GABRB1: variants seen among roughly 807,000 people sequenced by gnomAD.
GABRB1 encodes the protein gamma-aminobutyric acid type A receptor subunit beta1, also known as gamma-aminobutyric acid receptor subunit beta-1.
In GABRB1, 17 loss-of-function variants were observed where a neutral mutation model predicts 51.6. The observed-to-expected ratio is 0.33, with a 90% confidence interval of 0.23 to 0.49. The LOEUF (loss-of-function observed/expected upper bound fraction) is 0.49. Among genes scored for constraint, GABRB1 ranks in the 20% least tolerant of loss-of-function variants. GABRB1 has a pLI of 0.99. For synonymous variants in GABRB1, 247 were observed against 218.9 expected (o/e 1.13, Z -1.14); for missense variants, 410 against 600.6 (o/e 0.68, Z 3.32).
chr4:47,386,970 G>T (rs1727817076), intron 5 of GABRB1, among the ~76,000 whole-genome samples: 1 of 152,150 alleles, frequency 6.6e-6, no homozygotes, highest in African/African-American at 2.4e-5. Flanking sequence ...ATATTAAATG[G>T]ATAAATGATG....
chr4:47,174,089 A>C (rs567287631), intron 4 of GABRB1, among the ~76,000 whole-genome samples: 1 of 152,086 alleles, frequency 6.6e-6, no homozygotes, highest in East Asian at 1.9e-4. Flanking sequence ...AGAGTGAAAC[A>C]GTATTTCACT....
At chr4:47,088,517 G>A (rs530448792) in intron 3 of GABRB1, among the ~76,000 whole-genome samples, 29 of 152,284 alleles carry the variant, frequency 1.9e-4, no homozygotes, top group African/African-American at 7.0e-4. Flanking sequence ...TGCACAGTCA[G>A]GCTTAGAGTA....
intron 5 of GABRB1, among the ~76,000 whole-genome samples, chr4:47,375,871 C>T (rs1357620820): frequency 6.6e-6 from 1 of 152,118 alleles, no homozygotes; most frequent in Non-Finnish European, 1.5e-5. Context: ...CCAAAGGTGA[C>T]TGGGCGGATG....
intron 3 of GABRB1, among the ~76,000 whole-genome samples, chr4:47,097,736 C>T (rs1714516677): frequency 6.6e-6 from 1 of 152,170 alleles, no homozygotes; most frequent in South Asian, 2.1e-4. Context: ...TGGAGACTAA[C>T]CTTGGATGTT....
chr4:47,037,280 C>T (rs562405699), intron 3 of GABRB1, among the ~76,000 whole-genome samples: 2 of 152,310 alleles, frequency 1.3e-5, no homozygotes, highest in South Asian at 4.1e-4. Flanking sequence ...CCTAAACATA[C>T]TCTTGATGCT....
intron 5 of GABRB1, among the ~76,000 whole-genome samples, chr4:47,361,985 T>C (rs930248771): frequency 6.6e-6 from 1 of 151,516 alleles, no homozygotes; most frequent in African/African-American, 2.4e-5. Context: ...ACATGGATAA[T>C]TTGCCTAGTG....
intron 3 of GABRB1, among the ~76,000 whole-genome samples, chr4:47,087,001 G>A (rs1189306036): frequency 6.6e-6 from 1 of 152,204 alleles, no homozygotes; most frequent in African/African-American, 2.4e-5. Flanking sequence ...GGGAAACACT[G>A]CTTTTTCCCA....
At chr4:47,344,330 TGTGTTCGGGTATAAAAA>T (rs1270915500) in intron 5 of GABRB1, among the ~76,000 whole-genome samples, 2 of 152,214 alleles carry the variant, frequency 1.3e-5, no homozygotes, top group African/African-American at 4.8e-5. Flanking sequence ...AGAAAGGAAC[TGTGTTCGGGTATAAAAA>T]GATTCCTAAA....
In GABRB1 at chr4:47,097,492, A is replaced by G. The variant is rs180681495; in HGVS notation, c.241-63757A>G. 8.6e-4 allele frequency among the ~76,000 whole-genome samples: 130 copies of G among 152,008 alleles called. No individual in the cohort carries two copies. The East Asian group carries it at 0.022, about 26-fold the overall frequency. ...TCCCGTCCTCAGTACTTCCTATCCA[A>G]TTTTCTTGCTCATTTTTCTGTCACA... On this transcript the variant is annotated intron_variant, in intron 3 of 8. Coordinates refer to ENST00000295454, the MANE Select transcript of GABRB1 (RefSeq NM_000812.4).
chr4:47,347,794 A>C lies in GABRB1; in HGVS notation c.544+27585A>C, dbSNP rs184204920. 1.4e-3 allele frequency among the ~76,000 whole-genome samples: 219 copies of C among 152,328 alleles called. 1 individual carries two copies. The highest frequency in any genetic ancestry group is 5.1e-3 in the African/African-American group (210 of 41,574). ...GGTGAAATAGCCAAAATGGTTCTAA[A>C]TCAAGGTGACTGTGATAATAATGAC... On this transcript the variant is annotated intron_variant, in intron 5 of 8. Coordinates refer to ENST00000295454, the MANE Select transcript of GABRB1 (RefSeq NM_000812.4).
chr4:47,141,937 T>A (rs1716954495), intron 3 of GABRB1, among the ~76,000 whole-genome samples: 1 of 151,902 alleles, frequency 6.6e-6, no homozygotes, highest in South Asian at 2.1e-4. Context: ...TTTGTTTGCC[T>A]GGATTATGTA....
chr4:47,316,957 C>T (rs1482783882), intron 4 of GABRB1, among the ~76,000 whole-genome samples: 1 of 151,914 alleles, frequency 6.6e-6, no homozygotes, highest in Non-Finnish European at 1.5e-5. Flanking sequence ...TAAAATGGAT[C>T]AACATTAGAA....
chr4:47,223,701 T>C (rs530321664), intron 4 of GABRB1, among the ~76,000 whole-genome samples: 3 of 152,256 alleles, frequency 2.0e-5, no homozygotes, highest in Non-Finnish European at 4.4e-5. Flanking sequence ...TGGTCTGAGA[T>C]GCTGGGGTTC....
intron 4 of GABRB1, among the ~76,000 whole-genome samples, chr4:47,287,452 C>T (rs1459340766): frequency 6.6e-6 from 1 of 152,118 alleles, no homozygotes; most frequent in Non-Finnish European, 1.5e-5. Flanking sequence ...CTTCTCTCTA[C>T]CTAGAATGCC....
At chr4:47,355,154 T>C (rs1260395014) in intron 5 of GABRB1, among the ~76,000 whole-genome samples, 1 of 151,780 alleles carries the variant, frequency 6.6e-6, no homozygotes, top group African/African-American at 2.4e-5. Flanking sequence ...CTAATTTTTG[T>C]ATTTTTTAGT....
intron 3 of GABRB1, among the ~76,000 whole-genome samples, chr4:47,157,932 T>C (rs145137385): frequency 1.6e-4 from 24 of 152,206 alleles, no homozygotes; most frequent in African/African-American, 4.8e-4. Context: ...CTAGCATATG[T>C]TCATTTTCAC....
intron 5 of GABRB1, among the ~76,000 whole-genome samples, chr4:47,390,187 G>A (rs1000898010): frequency 6.6e-6 from 1 of 152,196 alleles, no homozygotes; most frequent in African/African-American, 2.4e-5. Flanking sequence ...ACTGCTATGA[G>A]ATAATTGTTT....
At chr4:47,266,686 T>G (rs1294982261) in intron 4 of GABRB1, among the ~76,000 whole-genome samples, 1 of 152,190 alleles carries the variant, frequency 6.6e-6, no homozygotes, top group Non-Finnish European at 1.5e-5. Context: ...AAACTTGTTT[T>G]GTGGCTTAAT....
chr4:46,997,857 A>G (rs1489782191), intron 1 of GABRB1, among the ~76,000 whole-genome samples: 2 of 152,210 alleles, frequency 1.3e-5, no homozygotes, highest in Non-Finnish European at 2.9e-5. Flanking sequence ...CCATATCTTG[A>G]CTATTATGAA....
Sources: gnomAD v4.1 joint callset for allele counts (sites outside exome capture counted in the v4.1 genomes callset) on GRCh38, gnomAD v4.1.1 for gene constraint, MANE v1.5 for transcripts, NCBI Gene and HGNC (gene_info 2026-07-23, HGNC 2026-07-21) for gene names.